Variants in PCDHGB3 observed in about 807,000 individuals in gnomAD.
PCDHGB3 encodes the protein protocadherin gamma subfamily B, 3.
PCDHGB3 carries 40 observed loss-of-function variants against 59.2 expected under a neutral mutation model. The observed-to-expected ratio is 0.68, with a 90% CI of 0.52 to 0.88. PCDHGB3 has a LOEUF of 0.88. Among genes scored for constraint, PCDHGB3 ranks in the 40% least tolerant of loss-of-function variants. PCDHGB3 has a pLI of 0.00. For missense variants in PCDHGB3, 1,309 were observed against 1,187.9 expected (o/e 1.10, Z -1.50); for synonymous variants, 581 against 503.6 (o/e 1.15, Z -2.06).
At chr5:141,470,059 G>A (rs1206799372) in intron 1 of PCDHGB3, among the ~76,000 whole-genome samples, 6 of 152,186 alleles carry the variant, frequency 3.9e-5, no homozygotes, top group African/African-American at 1.4e-4. Context: ...AACCCCGGAG[G>A]CAGAGACTGT....
intron 1 of PCDHGB3, among the ~76,000 whole-genome samples, chr5:141,457,293 T>A (rs2098916185): frequency 6.6e-6 from 1 of 152,226 alleles, no homozygotes; most frequent in Admixed American, 6.5e-5. Context: ...TTCCTTGGTT[T>A]TATTTTCCCA....
chr5:141,466,683 A>G (rs1347308492), intron 1 of PCDHGB3, among the ~76,000 whole-genome samples: 1 of 152,170 alleles, frequency 6.6e-6, no homozygotes, highest in African/African-American at 2.4e-5. Context: ...CTTCCACTCA[A>G]GCTTCATCAT....
At chr5:141,387,298 A>G (rs2090894771) in intron 1 of PCDHGB3, among the ~76,000 whole-genome samples, 1 of 152,244 alleles carries the variant, frequency 6.6e-6, no homozygotes, top group Admixed American at 6.5e-5. Context: ...AAATGTATCC[A>G]GTATATTTCT....
chr5:141,453,746 T>C (rs1345046460), intron 1 of PCDHGB3, among the ~76,000 whole-genome samples: 1 of 152,254 alleles, frequency 6.6e-6, no homozygotes, highest in Non-Finnish European at 1.5e-5. Flanking sequence ...TTAAATAACA[T>C]AAGTCTCCTA....
chr5:141,509,765 T>G (rs1312823974), intron 3 of PCDHGB3, among the ~76,000 whole-genome samples: 2 of 152,120 alleles, frequency 1.3e-5, no homozygotes, highest in Non-Finnish European at 1.5e-5. Flanking sequence ...GTCCCTGAGA[T>G]GTCTAGTCCC....
chr5:141,416,759 C>T (rs1045872662), intron 1 of PCDHGB3: 2 of 152,130 alleles, frequency 1.3e-5, no homozygotes, highest in African/African-American at 4.8e-5. Flanking sequence ...TTAGGTAGAT[C>T]TCTTAATTTT....
At chr5:141,509,551 C>T (rs2099877337) in intron 3 of PCDHGB3, among the ~76,000 whole-genome samples, 1 of 152,164 alleles carries the variant, frequency 6.6e-6, no homozygotes, top group South Asian at 2.1e-4. Context: ...CTCATTTAGT[C>T]CTCACAGCAG....
At chr5:141,376,499 C>G (rs1320027285) in intron 1 of PCDHGB3, 3 of 1,614,146 alleles carry the variant, frequency 1.9e-6, no homozygotes, top group Admixed American at 1.7e-5. Flanking sequence ...AGAACCCAGG[C>G]AACTTCAGGT....
chr5:141,448,524 T>C (rs1177408162), intron 1 of PCDHGB3, among the ~76,000 whole-genome samples: 1 of 152,194 alleles, frequency 6.6e-6, no homozygotes, highest in Non-Finnish European at 1.5e-5. Context: ...TTATTAAGCA[T>C]CCTGTCAGCA....
intron 1 of PCDHGB3, among the ~76,000 whole-genome samples, chr5:141,425,922 A>G (rs1485934946): frequency 6.6e-6 from 1 of 152,240 alleles, no homozygotes; most frequent in Non-Finnish European, 1.5e-5. Context: ...TCACTACGAA[A>G]ACTCATAAAA....
intron 1 of PCDHGB3, among the ~76,000 whole-genome samples, chr5:141,458,876 G>T (rs187470646): frequency 5.0e-4 from 76 of 152,248 alleles, no homozygotes; most frequent in African/African-American, 1.7e-3. Context: ...GGGACTACAG[G>T]CATGCACACC....
chr5:141,383,578 C>A, intron 1 of PCDHGB3: 1 of 1,613,494 alleles, frequency 6.2e-7, no homozygotes, highest in Non-Finnish European at 8.5e-7. Flanking sequence ...CAGCACCGCC[C>A]ACATCCAGGT....
intron 1 of PCDHGB3, chr5:141,375,628 C>T (rs1771676563): frequency 1.4e-5 from 23 of 1,614,200 alleles, no homozygotes; most frequent in Non-Finnish European, 1.8e-5. Flanking sequence ...GGATTCTGTA[C>T]GCCCTGCGCT....
At chr5:141,418,057 G>A (rs2096216088) in intron 1 of PCDHGB3, 2 of 1,614,050 alleles carry the variant, frequency 1.2e-6, no homozygotes, top group East Asian at 4.5e-5. Context: ...CTCGCGAGCT[G>A]CGAGTGAGCG....
In PCDHGB3 at chr5:141,414,129, C is replaced by A. The variant is rs1487550233; in HGVS notation, c.2415+41320C>A. The A allele has an allele frequency of 1.9e-6, 3 of 1,594,152 alleles. No homozygotes were observed. In the Admixed American group the frequency reaches 5.3e-5, roughly 28 times the overall value. ...ATCTAGATTATGAAGAAACCGGTTT[C>A]TATGAAATAGAAATACAAGCAGAAG... On this transcript the variant is annotated intron_variant, in intron 1 of 3. Coordinates refer to ENST00000576222, the MANE Select transcript of PCDHGB3 (RefSeq NM_018924.5).
In PCDHGB3 at chr5:141,431,620, G is replaced by T; in HGVS notation, c.2415+58811G>T. 6.2e-7 allele frequency: 1 copy of T among 1,614,232 alleles called. No individual in the cohort carries two copies. The highest frequency in any genetic ancestry group is 8.5e-7 in the Non-Finnish European group (1 of 1,180,050). Reference sequence around the variant, plus strand: ...ATTCCTTCCGGTATGTGGACGACAAGGCGGCCCAAGTTTTCAAACTAGATT... The same window carrying T: ...ATTCCTTCCGGTATGTGGACGACAATGCGGCCCAAGTTTTCAAACTAGATT... On this transcript the variant is annotated intron_variant, in intron 1 of 3. Transcript: ENST00000576222. The surrounding 1 kb of genome is among the most constrained non-coding windows in gnomAD (Gnocchi z 4.8).
chr5:141,432,746 G>T lies in PCDHGB3; in HGVS notation c.2415+59937G>T, dbSNP rs772043134. The T allele has an allele frequency of 6.2e-7, 1 of 1,614,098 alleles. No individual in the cohort carries two copies. Among genetic ancestry groups the T allele is most frequent in the Non-Finnish European group, 8.5e-7 (1 of 1,179,992 alleles). Reference sequence around the variant, plus strand: ...CTCCGCCACTGTCACGCTCACCGTGGCCGTGGCCGACAGCATCCCCCAAGT... The same window carrying T: ...CTCCGCCACTGTCACGCTCACCGTGTCCGTGGCCGACAGCATCCCCCAAGT... On this transcript the variant is annotated intron_variant, in intron 1 of 3. Transcript: ENST00000576222. This position sits in a 1 kb window ranked among gnomAD's most constrained non-coding sequence, Gnocchi z 6.0.
chr5:141,449,932 A>T (rs1275797555), intron 1 of PCDHGB3, among the ~76,000 whole-genome samples: 6 of 151,660 alleles, frequency 4.0e-5, no homozygotes, highest in Non-Finnish European at 5.9e-5. Flanking sequence ...CATACCTTAT[A>T]GTATATTTTA....
At chr5:141,509,823 TTCTC>T (rs2099878456) in intron 3 of PCDHGB3, among the ~76,000 whole-genome samples, 1 of 152,170 alleles carries the variant, frequency 6.6e-6, no homozygotes, top group Non-Finnish European at 1.5e-5. Flanking sequence ...CTTCTCCATC[TTCTC>T]TCTACCTCCC....
Sources: allele counts gnomAD v4.1 joint callset (sites outside exome capture counted in the v4.1 genomes callset), GRCh38; gene constraint gnomAD v4.1.1; non-coding constraint Gnocchi (gnomAD v3.1); transcripts MANE v1.5; gene names NCBI Gene and HGNC (gene_info 2026-07-23, HGNC 2026-07-21).